HTR7: variants seen among roughly 807,000 people sequenced by gnomAD.
HTR7 encodes the protein 5-HT-7.
Under a neutral mutation model 34.0 loss-of-function variants are expected in HTR7, and 16 were observed. The observed-to-expected ratio is 0.47, with a 90% confidence interval of 0.32 to 0.71. HTR7 has a LOEUF of 0.71. Among genes scored for constraint, HTR7 ranks in the 30% least tolerant of loss-of-function variants. The probability of loss-of-function intolerance (pLI) is 0.04; values close to 1 mark genes in which losing one functional copy is unlikely to be tolerated. For missense variants in HTR7, 504 were observed against 625.5 expected (o/e 0.81, Z 2.07); for synonymous variants, 265 against 260.2 (o/e 1.02, Z -0.18).
At chr10:90,830,328 C>T (rs529679043) in intron 1 of HTR7, among the ~76,000 whole-genome samples, 69 of 152,352 alleles carry the variant, frequency 4.5e-4, no homozygotes, top group African/African-American at 1.2e-3. Flanking sequence ...ATTACACTCA[C>T]ACACAAACCA....
chr10:90,754,612 C>G (rs899563113), intron 1 of HTR7, among the ~76,000 whole-genome samples: 3 of 152,100 alleles, frequency 2.0e-5, no homozygotes, highest in African/African-American at 7.2e-5. Flanking sequence ...ATATATGCAA[C>G]TCACAATAGG....
rs143007632 is a variant in HTR7 at position 90,753,998 on chromosome 10, A to C, written c.540-4404T>G. ...ATAGTAGTTTTACCTGAGATGAAGA[A>C]ATTTTAATGATTTTAAATTTCCTCT... On this transcript the variant is annotated intron_variant, in intron 1 of 3. Transcript: ENST00000336152. Among the ~76,000 whole-genome samples the C allele has an allele frequency of 1.1e-4, 16 of 152,196 alleles. No homozygotes were observed. The East Asian group carries it at 3.1e-3, about 29-fold the overall frequency.
chr10:90,800,369 T>C (rs1167360688), intron 1 of HTR7, among the ~76,000 whole-genome samples: 1 of 152,154 alleles, frequency 6.6e-6, no homozygotes. Flanking sequence ...GAACCCCTCT[T>C]GGCCAAAGAA....
chr10:90,853,938 T>C (rs908546749), intron 1 of HTR7, among the ~76,000 whole-genome samples: 1 of 152,222 alleles, frequency 6.6e-6, no homozygotes, highest in Admixed American at 6.5e-5. Flanking sequence ...AGACAACTTA[T>C]GGATACAATT....
At chr10:90,835,944 A>G (rs757717396) in intron 1 of HTR7, among the ~76,000 whole-genome samples, 7 of 152,208 alleles carry the variant, frequency 4.6e-5, no homozygotes, top group Non-Finnish European at 1.0e-4. Context: ...ACAGGAGAAC[A>G]TATGACAGGA....
intron 1 of HTR7, among the ~76,000 whole-genome samples, chr10:90,771,441 G>T (rs553132789): frequency 2.0e-5 from 3 of 152,360 alleles, no homozygotes; most frequent in Non-Finnish European, 4.4e-5. Flanking sequence ...GAGAAGAGCT[G>T]TGGCCCTTTG....
intron 1 of HTR7, among the ~76,000 whole-genome samples, chr10:90,813,088 C>A (rs1845841915): frequency 6.6e-6 from 1 of 152,030 alleles, no homozygotes; most frequent in African/African-American, 2.4e-5. Context: ...GAGAACAAAC[C>A]CCCTTTGACT....
chr10:90,835,070 T>C (rs1429239486), intron 1 of HTR7, among the ~76,000 whole-genome samples: 1 of 152,146 alleles, frequency 6.6e-6, no homozygotes, highest in African/African-American at 2.4e-5. Flanking sequence ...TCACCCAAGA[T>C]GTAGTAATGT....
chr10:90,773,348 G>A (rs1845148681), intron 1 of HTR7, among the ~76,000 whole-genome samples: 1 of 151,954 alleles, frequency 6.6e-6, no homozygotes, highest in Admixed American at 6.5e-5. Context: ...GTACATAATA[G>A]GTGTATATAT....
At chr10:90,823,659 G>A (rs1341813977) in intron 1 of HTR7, among the ~76,000 whole-genome samples, 1 of 152,130 alleles carries the variant, frequency 6.6e-6, no homozygotes, top group African/African-American at 2.4e-5. Flanking sequence ...GATTTGGAAG[G>A]GGCCAGGAGC....
At chr10:90,841,032 C>T (rs1208588754) in intron 1 of HTR7, among the ~76,000 whole-genome samples, 1 of 152,170 alleles carries the variant, frequency 6.6e-6, no homozygotes, top group Non-Finnish European at 1.5e-5. Flanking sequence ...TGCTTAGAAG[C>T]AAGCAGTCTA....
At chr10:90,795,701 T>A (rs1309173017) in intron 1 of HTR7, among the ~76,000 whole-genome samples, 1 of 152,010 alleles carries the variant, frequency 6.6e-6, no homozygotes, top group Non-Finnish European at 1.5e-5. Flanking sequence ...CCTCAGGAGG[T>A]CCTAATGACA....
At chr10:90,762,457 C>T (rs1472211189) in intron 1 of HTR7, among the ~76,000 whole-genome samples, 3 of 152,052 alleles carry the variant, frequency 2.0e-5, no homozygotes, top group Non-Finnish European at 4.4e-5. Flanking sequence ...CTATTCAGGT[C>T]CTTTTCCCAT....
At chr10:90,807,210 C>G (rs1845718301) in intron 1 of HTR7, among the ~76,000 whole-genome samples, 1 of 152,100 alleles carries the variant, frequency 6.6e-6, no homozygotes, top group Non-Finnish European at 1.5e-5. Context: ...TACAGACTGA[C>G]AGGAGGGTAT....
intron 1 of HTR7, among the ~76,000 whole-genome samples, chr10:90,846,761 G>C (rs1247563069): frequency 6.6e-6 from 1 of 152,218 alleles, no homozygotes; most frequent in Admixed American, 6.5e-5. Context: ...TAGCTGTAAG[G>C]GAGGCTAAGA....
chr10:90,835,808 A>G (rs1025143346), intron 1 of HTR7, among the ~76,000 whole-genome samples: 1 of 152,138 alleles, frequency 6.6e-6, no homozygotes, highest in South Asian at 2.1e-4. Flanking sequence ...CCCAGACCTC[A>G]GTGTCAGACA....
intron 1 of HTR7, among the ~76,000 whole-genome samples, chr10:90,841,734 T>C (rs564931267): frequency 1.3e-5 from 2 of 152,222 alleles, no homozygotes; most frequent in East Asian, 3.9e-4. Flanking sequence ...GCGTGATGGC[T>C]CACACCTGTA....
intron 1 of HTR7, among the ~76,000 whole-genome samples, chr10:90,784,917 C>T (rs1845359275): frequency 6.6e-6 from 1 of 152,228 alleles, no homozygotes; most frequent in South Asian, 2.1e-4. Context: ...CTCAAGCTTC[C>T]ACCATTGCAC....
At chr10:90,774,556 C>T (rs1426394104) in intron 1 of HTR7, among the ~76,000 whole-genome samples, 2 of 151,946 alleles carry the variant, frequency 1.3e-5, no homozygotes, top group Non-Finnish European at 2.9e-5. Context: ...AGTTACTTTG[C>T]TGGAAAAATT....
Sources: gnomAD v4.1 joint callset for allele counts (sites outside exome capture counted in the v4.1 genomes callset) on GRCh38, gnomAD v4.1.1 for gene constraint, MANE v1.5 for transcripts, NCBI Gene and HGNC (gene_info 2026-07-23, HGNC 2026-07-21) for gene names.